DLGAP4: variants seen among roughly 807,000 people sequenced by gnomAD.
DLGAP4 encodes disks large-associated protein 4.
In DLGAP4, 18 loss-of-function variants were observed where a neutral mutation model predicts 86.9. The ratio of observed to expected loss-of-function variants is 0.21; its 90% CI spans 0.14 to 0.31. The LOEUF (loss-of-function observed/expected upper bound fraction) is 0.31, where lower values mean the gene tolerates loss of function less well. Among genes scored for constraint, DLGAP4 ranks in the 10% least tolerant of loss-of-function variants. DLGAP4 has a pLI of 1.00. For missense variants in DLGAP4, 1,085 were observed against 1,362.6 expected, an observed-to-expected ratio of 0.80 and a Z score of 3.21; for synonymous variants, 548 against 574.3, an observed-to-expected ratio of 0.95 and a Z score of 0.65.
intron 10 of DLGAP4, among the ~76,000 whole-genome samples, chr20:36,512,047 A>ATT (rs72011781): frequency 6.5e-4 from 75 of 116,060 alleles, no homozygotes; most frequent in East Asian, 1.2e-3. Context: ...TGTCTCTCTG[A>ATT]TTTTTTTTTT....
At chr20:36,417,191 C>T (rs906132121) in intron 2 of DLGAP4, among the ~76,000 whole-genome samples, 2 of 151,900 alleles carry the variant, frequency 1.3e-5, no homozygotes, top group Admixed American at 1.3e-4. Flanking sequence ...GAGGAGGTGA[C>T]GTTTAATCAG....
intron 12 of DLGAP4, 103 bp from the exon 13 acceptor site, chr20:36,526,710 G>A: frequency 9.2e-7 from 1 of 1,086,914 alleles, no homozygotes; most frequent in Non-Finnish European, 1.3e-6. Context: ...ATGCGGGGAG[G>A]CTGGGGTGGA....
At chr20:36,438,617 C>A (rs1309783561) in intron 4 of DLGAP4, among the ~76,000 whole-genome samples, 2 of 150,878 alleles carry the variant, frequency 1.3e-5, no homozygotes, top group African/African-American at 4.9e-5. Flanking sequence ...GTGGTGAACT[C>A]CTCCGCTCAA....
chr20:36,360,566 C>T (rs1555894151), intron 1 of DLGAP4, among the ~76,000 whole-genome samples: 1 of 151,868 alleles, frequency 6.6e-6, no homozygotes, highest in South Asian at 2.1e-4. Flanking sequence ...CTGCACGTGG[C>T]TTGGGGCGTC....
intron 10 of DLGAP4, among the ~76,000 whole-genome samples, chr20:36,522,421 A>G (rs751166953): frequency 6.6e-6 from 1 of 152,114 alleles, no homozygotes; most frequent in Admixed American, 6.5e-5. Context: ...CAAGCCTCCT[A>G]AAGTACTGGG....
intron 10 of DLGAP4, among the ~76,000 whole-genome samples, chr20:36,502,004 G>A (rs1410811071): frequency 6.6e-6 from 1 of 152,164 alleles, no homozygotes; most frequent in Non-Finnish European, 1.5e-5. Context: ...TTTACTAGCT[G>A]TATATTCTGG....
Position 36,439,787 on chromosome 20 carries a change from G to A in DLGAP4, c.1275G>A (p.Leu425=). The A allele has an allele frequency of 6.2e-7, 1 of 1,613,804 alleles. No homozygotes were observed. The highest frequency in any genetic ancestry group is 8.5e-7 in the Non-Finnish European group (1 of 1,180,002). Residue 425 remains leucine (L), a synonymous_variant, in exon 5 of 13, where the codon CTG becomes CTA. Transcript: ENST00000339266. ...ACCGCCTGGATTCAGTGGACATGCT[G>A]CTGCCCTCCAAGTGTCCGAGCTGGG... ...SLDRLDSVDM[L]LPSKCPSWEE... is the part of the protein sequence containing the mutation.
At chr20:36,378,410 C>G (rs913542297) in intron 2 of DLGAP4, among the ~76,000 whole-genome samples, 2 of 152,284 alleles carry the variant, frequency 1.3e-5, no homozygotes, top group African/African-American at 4.8e-5. Flanking sequence ...TGGGCTAGAA[C>G]AGCGCCTAGC....
intron 1 of DLGAP4, among the ~76,000 whole-genome samples, chr20:36,354,264 G>A (rs1172628641): frequency 2.0e-5 from 3 of 152,224 alleles, no homozygotes; most frequent in South Asian, 2.1e-4. Flanking sequence ...CAAAGCTGCC[G>A]TGAGCTGTTA....
chr20:36,488,934 A>G (rs1569516726), intron 7 of DLGAP4, among the ~76,000 whole-genome samples: 1 of 152,222 alleles, frequency 6.6e-6, no homozygotes, highest in Admixed American at 6.5e-5. Context: ...CAGCAGCACT[A>G]TGACTCATGC....
At chr20:36,331,053 GC>G (rs2065262440) in intron 1 of DLGAP4, among the ~76,000 whole-genome samples, 1 of 152,204 alleles carries the variant, frequency 6.6e-6, no homozygotes, top group Non-Finnish European at 1.5e-5. Context: ...CACAAAGTGG[GC>G]CATGTGAGAG....
chr20:36,422,683 G>T (rs1015155143), intron 2 of DLGAP4, among the ~76,000 whole-genome samples: 1 of 152,178 alleles, frequency 6.6e-6, no homozygotes, highest in East Asian at 1.9e-4. Flanking sequence ...CTGGCACCAC[G>T]ATGAGATGAG....
At chr20:36,462,753 G>C (rs1158480807) in intron 7 of DLGAP4, among the ~76,000 whole-genome samples, 2 of 152,238 alleles carry the variant, frequency 1.3e-5, no homozygotes, top group Non-Finnish European at 2.9e-5. Flanking sequence ...GGGCCAGGCT[G>C]TCTGGCGGAG....
At chr20:36,358,561 C>T (rs2030408990) in intron 1 of DLGAP4, among the ~76,000 whole-genome samples, 1 of 152,218 alleles carries the variant, frequency 6.6e-6, no homozygotes, top group Admixed American at 6.5e-5. Flanking sequence ...AATCCCAGCA[C>T]TTTGGGAGAC....
At chr20:36,459,831 T>C (rs1394191395) in intron 7 of DLGAP4, among the ~76,000 whole-genome samples, 5 of 152,226 alleles carry the variant, frequency 3.3e-5, no homozygotes, top group African/African-American at 1.2e-4. Context: ...GGTCTTGAAC[T>C]CCTGACCTCA....
chr20:36,357,253 G>A (rs1444850442), intron 1 of DLGAP4, among the ~76,000 whole-genome samples: 2 of 152,134 alleles, frequency 1.3e-5, no homozygotes, highest in African/African-American at 2.4e-5. Context: ...CAAACATGGC[G>A]TGCTCTGTCC....
At chr20:36,335,031 T>G (rs2065307469) in intron 1 of DLGAP4, among the ~76,000 whole-genome samples, 1 of 152,168 alleles carries the variant, frequency 6.6e-6, no homozygotes, top group African/African-American at 2.4e-5. Context: ...TGTTAATGGT[T>G]TGAAAAGGCC....
intron 1 of DLGAP4, among the ~76,000 whole-genome samples, chr20:36,346,226 G>A (rs2147381588): frequency 6.6e-6 from 1 of 152,356 alleles, no homozygotes; most frequent in African/African-American, 2.4e-5. Flanking sequence ...ACTGACGGCT[G>A]TGGGTACCCC....
chr20:36,321,413 A>G (rs782613107), intron 1 of DLGAP4, among the ~76,000 whole-genome samples: 2 of 152,250 alleles, frequency 1.3e-5, no homozygotes, highest in Non-Finnish European at 2.9e-5. Flanking sequence ...GGGAGTTTCC[A>G]GCAAGGCAGT....
Sources: gnomAD v4.1 joint callset for allele counts (sites outside exome capture counted in the v4.1 genomes callset) on GRCh38, gnomAD v4.1.1 for gene constraint, MANE v1.5 for transcripts, NCBI Gene and HGNC (gene_info 2026-07-23, HGNC 2026-07-21) for gene names.